GLT1D1: variants seen among roughly 807,000 people sequenced by gnomAD.
GLT1D1 encodes the protein glycosyltransferase 1 domain containing 1, also known as glycosyltransferase 1 domain-containing protein 1.
Under a neutral mutation model 28.7 loss-of-function variants are expected in GLT1D1, and 21 were observed. The ratio of observed to expected loss-of-function variants is 0.73; its 90% CI spans 0.52 to 1.05. The LOEUF (loss-of-function observed/expected upper bound fraction) is 1.05. Ranked by LOEUF, GLT1D1 falls within the 50% of genes least tolerant of loss-of-function variation. The pLI is 0.00. For synonymous variants in GLT1D1, 147 were observed against 124.8 expected, an observed-to-expected ratio of 1.18 and a Z score of -1.19; for missense variants, 343 against 330.6, an observed-to-expected ratio of 1.04 and a Z score of -0.29.
chr12:128,947,115 G>T (rs470674), intron 5 of GLT1D1, among the ~76,000 whole-genome samples: 148,553 of 152,290 alleles, frequency 0.98, 72,572 homozygotes, highest in East Asian at 1. Flanking sequence ...TGGAGCATAT[G>T]GAAAACAAAA....
chr12:128,943,896 A>G (rs1875681125), intron 4 of GLT1D1, among the ~76,000 whole-genome samples: 1 of 152,198 alleles, frequency 6.6e-6, no homozygotes. Context: ...TTTTCCCCCA[A>G]TGACATGTAA....
chr12:128,931,919 A>ACGCG lies in GLT1D1; in HGVS notation c.376-13406_376-13405insGCGC, dbSNP rs764628549. On this transcript the variant is annotated intron_variant, in intron 4 of 7. Coordinates refer to ENST00000281703, the MANE Select transcript of GLT1D1 (RefSeq NM_144669.3). ...AGGATATGTGCACACACACGCACGCACACACACACACACACACACACAACG... is the reference window on the plus strand; with the variant it reads ...AGGATATGTGCACACACACGCACGCACGCGCACACACACACACACACACACAACG... Among the ~76,000 whole-genome samples the ACGCG allele has an allele frequency of 9.0e-5, 10 of 111,724 alleles. 1 individual carries two copies. The highest frequency in any genetic ancestry group is 8.8e-4 in the East Asian group (4 of 4,566). 73.3% of individuals were successfully genotyped at this position (111,724 alleles called of 152,430 possible).
At chr12:128,885,251 G>A (rs902077399) in intron 2 of GLT1D1, among the ~76,000 whole-genome samples, 3 of 151,894 alleles carry the variant, frequency 2.0e-5, no homozygotes, top group African/African-American at 4.8e-5. Context: ...AGACAGAGTC[G>A]AGACTCTTTC....
At chr12:128,959,417 G>GGTA (rs1877673861) in intron 7 of GLT1D1, among the ~76,000 whole-genome samples, 1 of 103,380 alleles carries the variant, frequency 9.7e-6, no homozygotes. Flanking sequence ...GCAGTGGGGG[G>GGTA]GGACGGGTGG....
At position 128,888,635 on chromosome 12, in the gene GLT1D1, G is replaced by A. The variant is rs201726592; in HGVS notation, c.218-4G>A. ...TCTGCTTTGTGACTGTCATCGTTTT[G>A]CAGGCCACCGAATCCCTTTTGGAGT... On this transcript the variant is annotated splice_region_variant and splice_polypyrimidine_tract_variant and intron_variant, in intron 2 of 7. Coordinates refer to ENST00000281703, the MANE Select transcript of GLT1D1 (RefSeq NM_144669.3). 1.9e-6 allele frequency: 3 copies of A among 1,597,874 alleles called. 1 individual carries two copies. In the African/African-American group the frequency reaches 4.0e-5, roughly 21 times the overall value.
At position 128,899,288 on chromosome 12, in the gene GLT1D1, G is replaced by T. The variant is rs1348107210; in HGVS notation, c.375+1G>T. 2 of 1,612,452 alleles carry T rather than the reference G, an allele frequency of 1.2e-6. No individual in the cohort carries two copies. The highest frequency in any genetic ancestry group is 1.6e-4 in the Middle Eastern group (1 of 6,062). On this transcript the variant is annotated splice_donor_variant, in intron 4 of 7. Coordinates refer to ENST00000281703, the MANE Select transcript of GLT1D1 (RefSeq NM_144669.3). LOFTEE classifies it high-confidence loss of function. ...GAAGGAAATGGCACAAGCGCAGTGG[G>T]TATGTGTTTATCTGGTGTTGTTATT...
chr12:128,865,450 C>G (rs999197646), intron 1 of GLT1D1, among the ~76,000 whole-genome samples: 1 of 152,096 alleles, frequency 6.6e-6, no homozygotes, highest in Non-Finnish European at 1.5e-5. Context: ...TGAAGACAGT[C>G]AGTATTCCGT....
intron 1 of GLT1D1, among the ~76,000 whole-genome samples, chr12:128,864,372 G>A (rs978864223): frequency 6.6e-6 from 1 of 151,984 alleles, no homozygotes; most frequent in African/African-American, 2.4e-5. Context: ...AGAAAACTTA[G>A]GGAAGCCGAA....
intron 4 of GLT1D1, among the ~76,000 whole-genome samples, chr12:128,925,560 C>T (rs1310538437): frequency 6.6e-6 from 1 of 152,138 alleles, no homozygotes. Context: ...GTATATGTAC[C>T]ATGTTTTCTT....
intron 7 of GLT1D1, among the ~76,000 whole-genome samples, chr12:128,963,187 C>T (rs938108581): frequency 1.8e-4 from 28 of 152,178 alleles, no homozygotes; most frequent in Admixed American, 3.9e-4. Context: ...TCAAAGGTGA[C>T]GTCTGGTCCC....
intron 4 of GLT1D1, chr12:128,912,450 C>G (rs1277242292): frequency 6.6e-7 from 1 of 1,519,690 alleles, no homozygotes; most frequent in Admixed American, 2.0e-5. Context: ...AGGTCTATGT[C>G]CAGAGTCAAG....
chr12:128,869,962 A>G (rs1956641517), intron 1 of GLT1D1, among the ~76,000 whole-genome samples: 1 of 141,300 alleles, frequency 7.1e-6, no homozygotes. Context: ...TTTTTGAGGC[A>G]GAGTCTTGCT....
At chr12:128,886,479 C>T (rs1174574267) in intron 2 of GLT1D1, among the ~76,000 whole-genome samples, 1 of 152,152 alleles carries the variant, frequency 6.6e-6, no homozygotes, top group African/African-American at 2.4e-5. Flanking sequence ...AAAGCTGAAG[C>T]GGATCTCCCA....
intron 7 of GLT1D1, among the ~76,000 whole-genome samples, chr12:128,977,499 T>A (rs748350015): frequency 1.1e-4 from 16 of 152,172 alleles, no homozygotes; most frequent in African/African-American, 3.6e-4. Context: ...ATATTTAACA[T>A]GGAACACTTT....
rs374597920 is a variant in GLT1D1, at chr12:128,956,171, A to AAAAAAAAAAAAAAAAAAAAAAAAAAAG, written c.541-1373_541-1372insAAAAAAAAAAAAAAAAAAAAAAAAAGA. Among the ~76,000 whole-genome samples the AAAAAAAAAAAAAAAAAAAAAAAAAAAG allele has an allele frequency of 2.3e-4, 15 of 63,978 alleles. 2 individuals are homozygous for AAAAAAAAAAAAAAAAAAAAAAAAAAAG. Among genetic ancestry groups the AAAAAAAAAAAAAAAAAAAAAAAAAAAG allele is most frequent in the Admixed American group, 6.4e-4 (3 of 4,714 alleles). 42.0% of individuals were successfully genotyped at this position (63,978 alleles called of 152,430 possible). A position where few individuals can be genotyped will look rare whatever the true frequency, so the allele number is the denominator to read the frequency against. On this transcript the variant is annotated intron_variant, in intron 6 of 7. Transcript: ENST00000281703. ...GAGACTCCATCTCAAAAAAAAAAAA[A>AAAAAAAAAAAAAAAAAAAAAAAAAAAG]AGAGAAAGAGAGAAAGAAAGAAAGA...
intron 7 of GLT1D1, among the ~76,000 whole-genome samples, chr12:128,958,693 T>C (rs1877561537): frequency 8.7e-6 from 1 of 114,578 alleles, no homozygotes; most frequent in Non-Finnish European, 1.6e-5. Flanking sequence ...GAGGTTACAA[T>C]GAACCAAGAT....
At chr12:128,874,904 A>G (rs1281518995) in intron 1 of GLT1D1, among the ~76,000 whole-genome samples, 1 of 152,036 alleles carries the variant, frequency 6.6e-6, no homozygotes, top group Non-Finnish European at 1.5e-5. Flanking sequence ...TTTTTTCCCC[A>G]GTTTCTCATT....
chr12:128,877,821 T>A (rs1040858964), intron 2 of GLT1D1, among the ~76,000 whole-genome samples: 1 of 152,224 alleles, frequency 6.6e-6, no homozygotes, highest in East Asian at 1.9e-4. Context: ...CAAAAGCAGC[T>A]TAGCTGGGTG....
At chr12:128,879,745 C>T (rs1328247431) in intron 2 of GLT1D1, among the ~76,000 whole-genome samples, 1 of 152,148 alleles carries the variant, frequency 6.6e-6, no homozygotes, top group African/African-American at 2.4e-5. Context: ...GCGGGAGCCA[C>T]CAAGTGCAGC....
Sources: allele counts gnomAD v4.1 joint callset (sites outside exome capture counted in the v4.1 genomes callset), GRCh38; gene constraint gnomAD v4.1.1; transcripts MANE v1.5; gene names NCBI Gene and HGNC (gene_info 2026-07-23, HGNC 2026-07-21).